TIMP2: variants seen among roughly 807,000 people sequenced by gnomAD.
TIMP2 encodes metalloproteinase inhibitor 2.
In TIMP2, 5 loss-of-function variants were observed where a neutral mutation model predicts 24.3. The ratio of observed to expected loss-of-function variants is 0.21; its 90% CI spans 0.11 to 0.43. The LOEUF (loss-of-function observed/expected upper bound fraction) is 0.43. Ranked by LOEUF, TIMP2 falls within the 20% of genes least tolerant of loss-of-function variation. TIMP2 has a pLI of 1.00. For missense variants in TIMP2, 221 were observed against 297.5 expected (o/e 0.74, Z 1.89); for synonymous variants, 130 against 123.2 (o/e 1.06, Z -0.37).
At chr17:78,880,256 C>T (rs1271267162) in intron 1 of TIMP2, among the ~76,000 whole-genome samples, 1 of 152,208 alleles carries the variant, frequency 6.6e-6, no homozygotes, top group African/African-American at 2.4e-5. Context: ...GTGGGTCCTG[C>T]GTCCTCACGT....
rs561036264 is a variant in TIMP2, at chr17:78,902,075, A to C, written c.130+22884T>G. The C allele has an allele frequency of 7.7e-4, 383 of 499,780 alleles. 1 individual carries two copies. Among genetic ancestry groups the C allele is most frequent in the African/African-American group, 6.8e-3 (345 of 51,110 alleles). The allele number at this position is 499,780 out of a possible 1,614,324, so 31.0% of individuals were successfully genotyped here. On this transcript the variant is annotated intron_variant, in intron 1 of 4. Coordinates refer to ENST00000262768, the MANE Select transcript of TIMP2 (RefSeq NM_003255.5). ...TTTCGCCCTCTTCTCCCCAACTCTTAGCCACGTCCCAGTGGTGGCGGGGGG... is the reference window on the plus strand; with the variant it reads ...TTTCGCCCTCTTCTCCCCAACTCTTCGCCACGTCCCAGTGGTGGCGGGGGG...
intron 3 of TIMP2, among the ~76,000 whole-genome samples, chr17:78,865,210 G>C (rs2069600898): frequency 6.6e-6 from 1 of 152,196 alleles, no homozygotes; most frequent in Non-Finnish European, 1.5e-5. Flanking sequence ...TAGAAAGGTG[G>C]TTGTCAGGGG....
intron 1 of TIMP2, among the ~76,000 whole-genome samples, chr17:78,913,896 A>G (rs6501268): frequency 0.22 from 551 of 2,516 alleles, 6 homozygotes; most frequent in African/African-American, 0.31. Flanking sequence ...TGTCTCGGGG[A>G]AAAAAAAAAA....
chr17:78,898,576 G>A (rs2070039164), intron 1 of TIMP2: 1 of 152,260 alleles, frequency 6.6e-6, no homozygotes, highest in Admixed American at 6.5e-5. Flanking sequence ...GTGCCTCTGA[G>A]TTCATCACGT....
intron 1 of TIMP2, among the ~76,000 whole-genome samples, chr17:78,889,552 A>C (rs1357145160): frequency 6.6e-6 from 1 of 152,242 alleles, no homozygotes; most frequent in Non-Finnish European, 1.5e-5. Context: ...CTAAGCACTA[A>C]GTGATCTATC....
In TIMP2 at chr17:78,915,597, G is replaced by A. The variant is rs941457771; in HGVS notation, c.130+9362C>T. Among the ~76,000 whole-genome samples, 5 of 151,610 alleles carry A rather than the reference G, an allele frequency of 3.3e-5. No individual in the cohort carries two copies. The South Asian group carries it at 1.0e-3, about 32-fold the overall frequency. ...TGCAGTGGTGCGATGTCGGCTCACTGCAACCTCTGCTTCCCAGGTTCAAGC... is the reference window on the plus strand; with the variant it reads ...TGCAGTGGTGCGATGTCGGCTCACTACAACCTCTGCTTCCCAGGTTCAAGC... On this transcript the variant is annotated intron_variant, in intron 1 of 4. Coordinates refer to ENST00000262768, the MANE Select transcript of TIMP2 (RefSeq NM_003255.5).
At chr17:78,923,630 C>T (rs952201998) in intron 1 of TIMP2, among the ~76,000 whole-genome samples, 1 of 152,062 alleles carries the variant, frequency 6.6e-6, no homozygotes, top group African/African-American at 2.4e-5. Context: ...TGCTGAGCAC[C>T]AAGGCTAAAC....
rs559268719 is a variant in TIMP2 at position 78,856,121 on chromosome 17, A to C, written c.466-257T>G. 6.4e-5 allele frequency: 34 copies of C among 532,886 alleles called. 1 individual carries two copies. In the East Asian group the frequency reaches 1.1e-3, roughly 18 times the overall value. The allele number at this position is 532,886 out of a possible 1,614,324, so 33.0% of individuals were successfully genotyped here. ...TGTGCTTCCCTTTGGGCCATCTTCT[A>C]CCTTCCTGAGCATGACAGAATGGCC... On this transcript the variant is annotated intron_variant, in intron 4 of 4. Coordinates refer to ENST00000262768, the MANE Select transcript of TIMP2 (RefSeq NM_003255.5).
At chr17:78,899,502 C>CA (rs2070056318) in intron 1 of TIMP2, 1 of 152,252 alleles carries the variant, frequency 6.6e-6, no homozygotes, top group African/African-American at 2.4e-5. Flanking sequence ...GATCCTATCC[C>CA]AGCCCCTGCG....
At chr17:78,872,377 T>C (rs189321498) in intron 2 of TIMP2, among the ~76,000 whole-genome samples, 1 of 152,266 alleles carries the variant, frequency 6.6e-6, no homozygotes, top group East Asian at 1.9e-4. Flanking sequence ...CATAACTCCA[T>C]GGGCCAGAAG....
At chr17:78,874,015 G>C (rs913361977) in intron 1 of TIMP2, 96 bp from the exon 2 acceptor site, 9 of 1,154,520 alleles carry the variant, frequency 7.8e-6, no homozygotes, top group Non-Finnish European at 1.1e-5. Flanking sequence ...GGGAGGTGCT[G>C]GGGGGTTACA....
intron 1 of TIMP2, among the ~76,000 whole-genome samples, chr17:78,923,565 GA>G (rs927583322): frequency 6.6e-6 from 1 of 152,172 alleles, no homozygotes; most frequent in Non-Finnish European, 1.5e-5. Flanking sequence ...GACCCCCAGA[GA>G]AAGGCCCATT....
chr17:78,883,611 G>A (rs955510223), intron 1 of TIMP2, among the ~76,000 whole-genome samples: 1 of 152,074 alleles, frequency 6.6e-6, no homozygotes, highest in East Asian at 1.9e-4. Flanking sequence ...AGGCCCTGCC[G>A]CCCCAGGGAA....
chr17:78,894,789 C>T (rs540551094), intron 1 of TIMP2, among the ~76,000 whole-genome samples: 81 of 151,630 alleles, frequency 5.3e-4, no homozygotes, highest in South Asian at 8.4e-4. Flanking sequence ...AACAAAGAAA[C>T]GGATAAGCTG....
intron 1 of TIMP2, chr17:78,897,952 C>G (rs1428925330): frequency 6.6e-6 from 1 of 152,224 alleles, no homozygotes; most frequent in East Asian, 1.9e-4. Flanking sequence ...CAGAAAATCA[C>G]AGCTGGCTCC....
Position 78,891,997 on chromosome 17 carries a change from C to A in TIMP2, c.131-18078G>T. ...TCTCTTCACTAAGGGCTGCTCTATG[C>A]TTCTCCTTGGCCCTCGGGGGCCTGG... On this transcript the variant is annotated intron_variant, in intron 1 of 4. Transcript: ENST00000262768. This position sits in a 1 kb window ranked among gnomAD's most constrained non-coding sequence, Gnocchi z 4.5. 1 of 1,550,734 alleles carries A rather than the reference C, an allele frequency of 6.4e-7. No individual in the cohort carries two copies. Among genetic ancestry groups the A allele is most frequent in the South Asian group, 1.2e-5 (1 of 84,060 alleles).
At chr17:78,904,400 A>T (rs2145788098) in intron 1 of TIMP2, 1 of 152,200 alleles carries the variant, frequency 6.6e-6, no homozygotes, top group Admixed American at 6.6e-5. Context: ...TGAGAGAAGA[A>T]GGTAAACAGC....
intron 1 of TIMP2, among the ~76,000 whole-genome samples, chr17:78,887,434 G>C (rs191103328): frequency 1.0e-3 from 159 of 152,264 alleles, no homozygotes; most frequent in Middle Eastern, 3.4e-3. Context: ...CCCCAGGCTG[G>C]AGTGCAGTGG....
chr17:78,885,629 T>C (rs1450666063), intron 1 of TIMP2, among the ~76,000 whole-genome samples: 2 of 151,954 alleles, frequency 1.3e-5, no homozygotes, highest in East Asian at 3.9e-4. Context: ...TGTGCACTTG[T>C]GTCCGGAAGA....
Sources: gnomAD v4.1 joint callset for allele counts (sites outside exome capture counted in the v4.1 genomes callset) on GRCh38, gnomAD v4.1.1 for gene constraint, Gnocchi (gnomAD v3.1) non-coding constraint, MANE v1.5 for transcripts, NCBI Gene and HGNC (gene_info 2026-07-23, HGNC 2026-07-21) for gene names.